AFAP1: variants seen among roughly 807,000 people sequenced by gnomAD.
AFAP1 encodes the protein actin filament associated protein 1.
Under a neutral mutation model 93.9 loss-of-function variants are expected in AFAP1, and 75 were observed. The observed-to-expected ratio is 0.80, with a 90% CI of 0.66 to 0.97. AFAP1 has a LOEUF of 0.97. Ranked by LOEUF, AFAP1 falls within the 50% of genes least tolerant of loss-of-function variation. The pLI is 0.00. For synonymous variants in AFAP1, 517 were observed against 430.7 expected (o/e 1.20, Z -2.48); for missense variants, 1,201 against 1,050.8 (o/e 1.14, Z -1.98).
intron 6 of AFAP1, among the ~76,000 whole-genome samples, chr4:7,832,718 GAACA>G (rs1289989110): frequency 1.3e-4 from 19 of 144,070 alleles, no homozygotes; most frequent in Non-Finnish European, 2.6e-4. Flanking sequence ...TAAGCAAAAA[GAACA>G]AACAAAGGAA....
intron 15 of AFAP1, 169 bp downstream of exon 15, chr4:7,774,570 G>A (rs1006940610): frequency 3.0e-5 from 32 of 1,063,724 alleles, no homozygotes; most frequent in East Asian, 3.0e-4. Flanking sequence ...CACCTGCCTC[G>A]GGGTTACCAG....
chr4:7,808,886 A>T (rs1370476980), intron 9 of AFAP1, among the ~76,000 whole-genome samples: 1 of 152,098 alleles, frequency 6.6e-6, no homozygotes, highest in Admixed American at 6.5e-5. Context: ...CACGAGTAAA[A>T]GCTTCCTGAG....
At chr4:7,872,993 T>C (rs1490557930) in intron 1 of AFAP1, among the ~76,000 whole-genome samples, 3 of 147,896 alleles carry the variant, frequency 2.0e-5, no homozygotes, top group South Asian at 2.2e-4. Context: ...CTCACGTCTG[T>C]AATCCCAGCA....
chr4:7,867,510 G>A (rs976910670), intron 3 of AFAP1, among the ~76,000 whole-genome samples: 6 of 152,146 alleles, frequency 3.9e-5, no homozygotes, highest in East Asian at 3.9e-4. Flanking sequence ...CCTGTCTGAG[G>A]CATGCTTGCA....
chr4:7,834,295 A>G (rs901750676), intron 6 of AFAP1, among the ~76,000 whole-genome samples: 1 of 152,238 alleles, frequency 6.6e-6, no homozygotes, highest in Admixed American at 6.5e-5. Context: ...ATGAGGATGC[A>G]AAGGCATAAG....
intron 16 of AFAP1, among the ~76,000 whole-genome samples, chr4:7,770,230 G>T (rs549637945): frequency 9.8e-5 from 15 of 152,344 alleles, no homozygotes; most frequent in Non-Finnish European, 1.6e-4. Context: ...AAGGAGAAGC[G>T]AGGCGGGGGG....
chr4:7,933,487 C>T (rs1159572411), intron 1 of AFAP1, among the ~76,000 whole-genome samples: 1 of 152,162 alleles, frequency 6.6e-6, no homozygotes, highest in Non-Finnish European at 1.5e-5. Flanking sequence ...GCAGGAGAAT[C>T]ACTTGAACCC....
chr4:7,773,282 C>T (rs934854838), intron 15 of AFAP1: 4 of 412,842 alleles, frequency 9.7e-6, no homozygotes, highest in African/African-American at 6.1e-5. Context: ...GGCTCTGGGC[C>T]TCAATGTTCT....
intron 17 of AFAP1, among the ~76,000 whole-genome samples, chr4:7,767,179 T>C (rs1380947409): frequency 6.6e-6 from 1 of 152,142 alleles, no homozygotes; most frequent in African/African-American, 2.4e-5. Context: ...GAGAGCAGCT[T>C]CCGCTGTTTT....
At chr4:7,840,998 C>A (rs1446078627) in intron 5 of AFAP1, among the ~76,000 whole-genome samples, 1 of 152,290 alleles carries the variant, frequency 6.6e-6, no homozygotes, top group East Asian at 1.9e-4. Flanking sequence ...AGAAAGGGAA[C>A]TTTATAACAT....
At position 7,762,111 on chromosome 4, in the gene AFAP1, T is replaced by A. The variant is rs1713890925; in HGVS notation, c.*1654A>T. ...ATTCGTGTTGTAAAACTTTTTCTTA[T>A]ACATGGGAGACCGCTTTCCGCTTCA... is the stretch of plus-strand genomic sequence containing the variant. On this transcript the variant is annotated 3_prime_UTR_variant, in exon 18 of 18. Coordinates refer to ENST00000420658, the MANE Select transcript of AFAP1 (RefSeq NM_001134647.2). The A allele has an allele frequency of 1.3e-5, 2 of 152,252 alleles. 1 individual carries two copies. Among genetic ancestry groups the A allele is most frequent in the Admixed American group, 1.3e-4 (2 of 15,284 alleles). 9.4% of individuals were successfully genotyped at this position (152,252 alleles called of 1,614,324 possible). A position where few individuals can be genotyped will look rare whatever the true frequency, so the allele number is the denominator to read the frequency against.
intron 10 of AFAP1, among the ~76,000 whole-genome samples, chr4:7,794,361 A>G (rs1017215297): frequency 2.6e-5 from 4 of 152,190 alleles, no homozygotes; most frequent in African/African-American, 7.2e-5. Flanking sequence ...TTTGATATCA[A>G]TTGTGTTTCC....
chr4:7,810,187 G>A (rs1407596244), intron 8 of AFAP1, among the ~76,000 whole-genome samples: 1 of 152,182 alleles, frequency 6.6e-6, no homozygotes, highest in African/African-American at 2.4e-5. Flanking sequence ...TACTTAATGA[G>A]CACTTGCTAC....
chr4:7,801,466 G>T (rs184486167), intron 9 of AFAP1, among the ~76,000 whole-genome samples: 91 of 151,758 alleles, frequency 6.0e-4, no homozygotes, highest in Non-Finnish European at 1.0e-3. Context: ...ACAGGAAATG[G>T]ACACTTTTCA....
intron 1 of AFAP1, among the ~76,000 whole-genome samples, chr4:7,921,286 T>G (rs190069619): frequency 6.6e-6 from 1 of 150,718 alleles, no homozygotes; most frequent in Non-Finnish European, 1.5e-5. Context: ...CAGGTTCTAG[T>G]GATTCTCCTG....
At chr4:7,850,572 T>C (rs1322023885) in intron 4 of AFAP1, among the ~76,000 whole-genome samples, 1 of 152,224 alleles carries the variant, frequency 6.6e-6, no homozygotes, top group Non-Finnish European at 1.5e-5. Context: ...CTTCCATTGC[T>C]CTGCATGGTC....
In AFAP1 at chr4:7,939,360, C is replaced by G; in HGVS notation, c.-3+296G>C. The G allele has an allele frequency of 3.1e-6, 1 of 323,036 alleles. No homozygotes were observed. The highest frequency in any genetic ancestry group is 6.2e-6 in the Non-Finnish European group (1 of 161,716). The allele number at this position is 323,036 out of a possible 1,614,324, so 20.0% of individuals were successfully genotyped here. On this transcript the variant is annotated intron_variant, in intron 1 of 17. Coordinates refer to ENST00000420658, the MANE Select transcript of AFAP1 (RefSeq NM_001134647.2). This position sits in a 1 kb window ranked among gnomAD's most constrained non-coding sequence, Gnocchi z 5.6. ...CCCCTCTGACGCACACGGGGACCAG[C>G]CACGCCGCGGGGGCACCGGGCAGGA...
intron 11 of AFAP1, among the ~76,000 whole-genome samples, chr4:7,787,334 T>C (rs1236974111): frequency 6.6e-6 from 1 of 152,236 alleles, no homozygotes; most frequent in African/African-American, 2.4e-5. Context: ...TGTCCTTTCA[T>C]AGTAAACTGG....
intron 6 of AFAP1, among the ~76,000 whole-genome samples, chr4:7,833,957 C>T (rs1470890766): frequency 2.0e-5 from 3 of 152,102 alleles, no homozygotes; most frequent in Non-Finnish European, 4.4e-5. Flanking sequence ...TGGGTGTCTA[C>T]CCAGAGGAAA....
Sources: allele counts gnomAD v4.1 joint callset (sites outside exome capture counted in the v4.1 genomes callset), GRCh38; gene constraint gnomAD v4.1.1; non-coding constraint Gnocchi (gnomAD v3.1); transcripts MANE v1.5; gene names NCBI Gene and HGNC (gene_info 2026-07-23, HGNC 2026-07-21).